The following PATJ variants were observed in gnomAD, a reference collection of about 807,000 sequenced individuals.
The protein encoded by PATJ is inaD-like protein.
Under a neutral mutation model 224.9 loss-of-function variants are expected in PATJ, and 190 were observed. That is an observed-to-expected ratio of 0.84 (90% CI 0.75 to 0.95). PATJ has a LOEUF of 0.95. Among genes scored for constraint, PATJ ranks in the 40% least tolerant of loss-of-function variants. The pLI is 0.00. For synonymous variants in PATJ, 769 were observed against 820.3 expected (o/e 0.94, Z 1.07); for missense variants, 2,121 against 2,270.3 (o/e 0.93, Z 1.34).
At chr1:62,105,359 G>A (rs1044266726) in intron 33 of PATJ, among the ~76,000 whole-genome samples, 10 of 152,264 alleles carry the variant, frequency 6.6e-5, no homozygotes, top group South Asian at 6.2e-4. Context: ...TGCATAGTCC[G>A]AGTGTAGTGT....
chr1:61,796,247 A>T (rs1651080156), intron 10 of PATJ, among the ~76,000 whole-genome samples: 3 of 152,202 alleles, frequency 2.0e-5, no homozygotes, highest in Admixed American at 1.3e-4. Context: ...CTCAAAGAAG[A>T]TTGAGAGAGG....
intron 27 of PATJ, chr1:61,952,550 G>A: frequency 1.5e-6 from 1 of 658,516 alleles, no homozygotes; most frequent in East Asian, 2.7e-5. Flanking sequence ...GAGAGCGAGG[G>A]CACATATGCA....
chr1:61,801,329 A>G (rs1652448259), intron 11 of PATJ, among the ~76,000 whole-genome samples: 1 of 152,168 alleles, frequency 6.6e-6, no homozygotes, highest in Non-Finnish European at 1.5e-5. Context: ...TCTGATGGCC[A>G]GTGATGGTGG....
intron 1 of PATJ, among the ~76,000 whole-genome samples, chr1:61,748,082 T>C (rs1349781921): frequency 6.6e-6 from 1 of 151,966 alleles, no homozygotes; most frequent in African/African-American, 2.4e-5. Flanking sequence ...GGTTTCACCA[T>C]GTTGCTCAGG....
At chr1:62,158,904 G>A (rs1459940008) in intron 43 of PATJ, among the ~76,000 whole-genome samples, 2 of 151,744 alleles carry the variant, frequency 1.3e-5, no homozygotes, top group Admixed American at 1.3e-4. Flanking sequence ...AACCGAGATC[G>A]CACCATTGCA....
intron 30 of PATJ, chr1:62,039,026 T>C: frequency 9.2e-7 from 1 of 1,088,016 alleles, no homozygotes; most frequent in South Asian, 1.2e-5. Context: ...GATACTCCTG[T>C]AGTGTGTCCA....
intron 22 of PATJ, among the ~76,000 whole-genome samples, chr1:61,886,029 G>A (rs1436505887): frequency 1.3e-5 from 2 of 151,892 alleles, no homozygotes. Context: ...GACTGTTGTG[G>A]GGTGGGGGGA....
chr1:61,991,147 G>A (rs1004636713), intron 28 of PATJ, among the ~76,000 whole-genome samples: 1 of 151,982 alleles, frequency 6.6e-6, no homozygotes, highest in Non-Finnish European at 1.5e-5. Context: ...GAAAACAGAC[G>A]TGAAAAGATA....
intron 21 of PATJ, among the ~76,000 whole-genome samples, chr1:61,878,357 G>A (rs1424066630): frequency 1.3e-5 from 2 of 152,082 alleles, no homozygotes; most frequent in Non-Finnish European, 2.9e-5. Flanking sequence ...ATGGGGATGG[G>A]GGAAAGGTAA....
intron 22 of PATJ, among the ~76,000 whole-genome samples, chr1:61,891,133 GAC>G (rs1341216498): frequency 6.6e-6 from 1 of 151,962 alleles, no homozygotes; most frequent in African/African-American, 2.4e-5. Flanking sequence ...TTAGAAGAAA[GAC>G]ATATTTAAAA....
chr1:62,038,352 GTACCCCTTTCTT>G (rs1200868286), intron 30 of PATJ: 2 of 192,222 alleles, frequency 1.0e-5, no homozygotes, highest in African/African-American at 4.7e-5. Flanking sequence ...TGACTGAATT[GTACCCCTTTCTT>G]TATGGTTTTG....
intron 32 of PATJ, among the ~76,000 whole-genome samples, chr1:62,080,378 C>G (rs1471468082): frequency 2.6e-5 from 4 of 151,964 alleles, no homozygotes; most frequent in African/African-American, 9.7e-5. Flanking sequence ...GTCACCCAGG[C>G]TGGAGGGCAG....
chr1:62,109,421 G>T (rs1663531855), intron 34 of PATJ, among the ~76,000 whole-genome samples: 1 of 152,132 alleles, frequency 6.6e-6, no homozygotes, highest in Admixed American at 6.5e-5. Flanking sequence ...TAAAGGAGAG[G>T]CCAGGCTGAT....
At chr1:62,084,760 A>G in intron 33 of PATJ, 112 bp downstream of exon 33, 1 of 1,055,254 alleles carries the variant, frequency 9.5e-7, no homozygotes, top group Non-Finnish European at 1.4e-6. Flanking sequence ...TATGAGGAGA[A>G]AATGTGATTA....
intron 27 of PATJ, among the ~76,000 whole-genome samples, chr1:61,971,346 C>A (rs1331937699): frequency 6.6e-6 from 1 of 152,142 alleles, no homozygotes; most frequent in African/African-American, 2.4e-5. Flanking sequence ...GTTTCTTTCC[C>A]CAACTGTTTA....
intron 29 of PATJ, among the ~76,000 whole-genome samples, chr1:62,022,593 G>T (rs1483451507): frequency 6.6e-6 from 1 of 152,170 alleles, no homozygotes; most frequent in Non-Finnish European, 1.5e-5. Flanking sequence ...GCAGTGCAGG[G>T]ATCCAAGGAG....
chr1:61,819,009 A>G (rs1404356366), intron 14 of PATJ, among the ~76,000 whole-genome samples: 2 of 152,194 alleles, frequency 1.3e-5, no homozygotes, highest in East Asian at 1.9e-4. Flanking sequence ...CCTTATTTCT[A>G]TGCAGAAGTT....
chr1:61,980,460 T>TGG (rs1644391144), intron 27 of PATJ, among the ~76,000 whole-genome samples: 1 of 149,390 alleles, frequency 6.7e-6, no homozygotes, highest in Non-Finnish European at 1.5e-5. Flanking sequence ...TGTGTGTGTG[T>TGG]GTGTGTGTGT....
intron 31 of PATJ, among the ~76,000 whole-genome samples, chr1:62,062,868 T>A (rs2148652008): frequency 6.6e-6 from 1 of 152,260 alleles, no homozygotes; most frequent in Non-Finnish European, 1.5e-5. Context: ...TGTTTTTGGC[T>A]TGTTGATTTG....
Sources: gnomAD v4.1 joint callset for allele counts (sites outside exome capture counted in the v4.1 genomes callset) on GRCh38, gnomAD v4.1.1 for gene constraint, MANE v1.5 for transcripts, NCBI Gene and HGNC (gene_info 2026-07-23, HGNC 2026-07-21) for gene names.